Variants in EYS observed in about 807,000 individuals in gnomAD.
EYS encodes protein eyes shut homolog.
Under a neutral mutation model 282.1 loss-of-function variants are expected in EYS, and 250 were observed. The ratio of observed to expected loss-of-function variants is 0.89; its 90% CI spans 0.80 to 0.98. EYS has a LOEUF of 0.98. EYS is among the 50% of genes least tolerant of loss of function. The probability of loss-of-function intolerance (pLI) is 0.00; values close to 1 mark genes in which losing one functional copy is unlikely to be tolerated. For synonymous variants in EYS, 1,355 were observed against 1,282.9 expected (o/e 1.06, Z -1.20); for missense variants, 4,016 against 3,709.0 (o/e 1.08, Z -2.15).
At chr6:65,305,443 G>T (rs549130229) in intron 11 of EYS, among the ~76,000 whole-genome samples, 1 of 152,304 alleles carries the variant, frequency 6.6e-6, no homozygotes, top group East Asian at 1.9e-4. Context: ...GTGTTAGATT[G>T]TATGTCTTTT....
Position 65,469,093 on chromosome 6 carries a change from T to C in EYS, c.862+21501A>G, listed in dbSNP as rs80130277. On this transcript the variant is annotated intron_variant, in intron 5 of 42. Coordinates refer to ENST00000503581, the MANE Select transcript of EYS (RefSeq NM_001142800.2). Reference sequence around the variant, plus strand: ...AATTTGAATTTCTGATAGAACAATATTTTTCAGTATAAGTATTTCCCATTC... The same window carrying C: ...AATTTGAATTTCTGATAGAACAATACTTTTCAGTATAAGTATTTCCCATTC... 2.0e-3 allele frequency among the ~76,000 whole-genome samples: 304 copies of C among 152,200 alleles called. 3 individuals are homozygous for C. The highest frequency in any genetic ancestry group is 7.2e-3 in the African/African-American group (301 of 41,572).
chr6:64,695,767 T>A (rs12111200), intron 22 of EYS, among the ~76,000 whole-genome samples: 4,748 of 151,936 alleles, frequency 0.031, 253 homozygotes, highest in African/African-American at 0.11. Flanking sequence ...GTATTTTTAG[T>A]AGAGATGGGG....
At chr6:63,931,699 A>AAATACAATG (rs1481757261) in intron 35 of EYS, among the ~76,000 whole-genome samples, 1 of 152,222 alleles carries the variant, frequency 6.6e-6, no homozygotes. Context: ...TTTGATACAC[A>AAATACAATG]AATACAATGT....
chr6:65,374,435 C>T (rs753461930), intron 8 of EYS, among the ~76,000 whole-genome samples: 1 of 152,032 alleles, frequency 6.6e-6, no homozygotes, highest in East Asian at 1.9e-4. Flanking sequence ...TGTCTACATT[C>T]CCCGGGCCCT....
chr6:64,077,776 A>G (rs955470144), intron 32 of EYS, among the ~76,000 whole-genome samples: 1 of 152,018 alleles, frequency 6.6e-6, no homozygotes, highest in Non-Finnish European at 1.5e-5. Context: ...CTTGTGTAAT[A>G]GAGCTCATTT....
At chr6:65,404,001 A>C (rs1766617848) in intron 6 of EYS, among the ~76,000 whole-genome samples, 1 of 152,066 alleles carries the variant, frequency 6.6e-6, no homozygotes, top group African/African-American at 2.4e-5. Flanking sequence ...ACAACAACAA[A>C]AAATCATTAT....
intron 12 of EYS, among the ~76,000 whole-genome samples, chr6:65,294,671 A>G (rs1768614025): frequency 6.6e-6 from 1 of 151,910 alleles, no homozygotes. Context: ...ATGGCAAATT[A>G]CATATTCTGT....
At chr6:65,210,567 T>A (rs1429382988) in intron 12 of EYS, among the ~76,000 whole-genome samples, 1 of 151,996 alleles carries the variant, frequency 6.6e-6, no homozygotes, top group Non-Finnish European at 1.5e-5. Context: ...TATTATTAAA[T>A]CAATTGGCAT....
chr6:64,510,937 C>A (rs372752554), intron 26 of EYS, among the ~76,000 whole-genome samples: 2 of 152,002 alleles, frequency 1.3e-5, no homozygotes, highest in African/African-American at 4.8e-5. Context: ...CCTGGGGCCA[C>A]GCTTAAGAGA....
chr6:63,926,016 C>A (rs1011142826), intron 35 of EYS, among the ~76,000 whole-genome samples: 1 of 152,164 alleles, frequency 6.6e-6, no homozygotes, highest in African/African-American at 2.4e-5. Flanking sequence ...GGGCCCACCC[C>A]CCGATGTTCC....
chr6:63,974,341 T>C (rs1766730189), intron 35 of EYS, among the ~76,000 whole-genome samples: 1 of 152,036 alleles, frequency 6.6e-6, no homozygotes, highest in South Asian at 2.1e-4. Context: ...TAATAAATAG[T>C]TTTTGAAGGA....
At chr6:65,587,449 G>A (rs1452579864) in intron 2 of EYS, among the ~76,000 whole-genome samples, 2 of 152,032 alleles carry the variant, frequency 1.3e-5, no homozygotes, top group Non-Finnish European at 2.9e-5. Context: ...GAGATCTGAT[G>A]GTTTTTGTAA....
chr6:64,577,180 T>C (rs557796939), intron 26 of EYS, among the ~76,000 whole-genome samples: 5 of 152,088 alleles, frequency 3.3e-5, no homozygotes, highest in African/African-American at 4.8e-5. Flanking sequence ...GACTCCAGAA[T>C]TGTGAGACAA....
chr6:64,630,833 A>C (rs936475809), intron 22 of EYS, among the ~76,000 whole-genome samples: 1 of 152,240 alleles, frequency 6.6e-6, no homozygotes, highest in East Asian at 1.9e-4. Context: ...AGTGCATAAC[A>C]ATTTATAACC....
intron 22 of EYS, among the ~76,000 whole-genome samples, chr6:64,696,040 A>G (rs1770567539): frequency 1.3e-5 from 2 of 152,206 alleles, no homozygotes; most frequent in Non-Finnish European, 2.9e-5. Context: ...CCAGATAAAA[A>G]ATTCAAAATG....
chr6:63,950,646 T>A (rs1765554963), intron 35 of EYS, among the ~76,000 whole-genome samples: 1 of 152,274 alleles, frequency 6.6e-6, no homozygotes, highest in South Asian at 2.1e-4. Flanking sequence ...CAATCCCCTG[T>A]CCTCCTGCTC....
intron 12 of EYS, among the ~76,000 whole-genome samples, chr6:65,128,828 T>C (rs1581935538): frequency 1.3e-5 from 2 of 152,094 alleles, no homozygotes; most frequent in South Asian, 2.1e-4. Context: ...GAAATTCATA[T>C]GGAACAATAG....
Position 65,180,111 on chromosome 6 carries a change from C to A in EYS, c.2023+115752G>T, listed in dbSNP as rs574063920. On this transcript the variant is annotated intron_variant, in intron 12 of 42. Coordinates refer to ENST00000503581, the MANE Select transcript of EYS (RefSeq NM_001142800.2). Reference sequence around the variant, plus strand: ...CACAGCCAATATCATACTGAATGGGCAAAAACTGGAAGCATTCCCTTTGAA... The same window carrying A: ...CACAGCCAATATCATACTGAATGGGAAAAAACTGGAAGCATTCCCTTTGAA... Among the ~76,000 whole-genome samples, 218 of 152,198 alleles carry A rather than the reference C, an allele frequency of 1.4e-3. 3 individuals are homozygous for A. The highest frequency in any genetic ancestry group is 4.7e-3 in the African/African-American group (194 of 41,544).
chr6:64,107,271 GTATATATATATATT>G (rs1214300609), intron 31 of EYS, among the ~76,000 whole-genome samples: 53 of 99,964 alleles, frequency 5.3e-4, no homozygotes, highest in African/African-American at 1.9e-3. Context: ...GTGTGTGTGT[GTATATATATATATT>G]TATATATATA....
Sources: allele counts gnomAD v4.1 joint callset (sites outside exome capture counted in the v4.1 genomes callset), GRCh38; gene constraint gnomAD v4.1.1; transcripts MANE v1.5; gene names NCBI Gene and HGNC (gene_info 2026-07-23, HGNC 2026-07-21).